MAGI3: variants seen among roughly 807,000 people sequenced by gnomAD.
MAGI3 encodes membrane-associated guanylate kinase, WW and PDZ domain-containing protein 3.
In MAGI3, 43 loss-of-function variants were observed where a neutral mutation model predicts 121.8. That is an observed-to-expected ratio of 0.35 (90% CI 0.28 to 0.46). The LOEUF (loss-of-function observed/expected upper bound fraction) is 0.46, where lower values mean the gene tolerates loss of function less well. Among genes scored for constraint, MAGI3 ranks in the 20% least tolerant of loss-of-function variants. The pLI is 1.00. For synonymous variants in MAGI3, 553 were observed against 639.3 expected, an observed-to-expected ratio of 0.86 and a Z score of 2.04; for missense variants, 1,547 against 1,797.3, an observed-to-expected ratio of 0.86 and a Z score of 2.52.
intron 1 of MAGI3, among the ~76,000 whole-genome samples, chr1:113,495,869 A>G (rs1019509722): frequency 2.0e-5 from 3 of 152,254 alleles, no homozygotes; most frequent in South Asian, 4.1e-4. Flanking sequence ...TAACTCTGCC[A>G]TATTAAAGTA....
intron 1 of MAGI3, among the ~76,000 whole-genome samples, chr1:113,534,196 T>C (rs931875840): frequency 3.9e-5 from 6 of 152,232 alleles, no homozygotes; most frequent in Non-Finnish European, 7.3e-5. Flanking sequence ...GCTAAATTTA[T>C]CCTGTGCTGC....
At chr1:113,493,722 C>T (rs574228190) in intron 1 of MAGI3, among the ~76,000 whole-genome samples, 1 of 152,236 alleles carries the variant, frequency 6.6e-6, no homozygotes, top group South Asian at 2.1e-4. Context: ...CATGAACAGA[C>T]AGTTTTCAAA....
intron 1 of MAGI3, among the ~76,000 whole-genome samples, chr1:113,418,923 T>G (rs1361160604): frequency 6.6e-6 from 1 of 152,142 alleles, no homozygotes; most frequent in Admixed American, 6.5e-5. Flanking sequence ...ACAGGAACAA[T>G]ATATATTACA....
At chr1:113,523,149 C>T (rs995791807) in intron 1 of MAGI3, among the ~76,000 whole-genome samples, 5 of 152,186 alleles carry the variant, frequency 3.3e-5, no homozygotes, top group Admixed American at 6.5e-5. Context: ...ACGTGCCTTT[C>T]ACCTTCCGCC....
intron 1 of MAGI3, among the ~76,000 whole-genome samples, chr1:113,396,220 A>G (rs1372113605): frequency 1.3e-5 from 2 of 151,958 alleles, no homozygotes; most frequent in Admixed American, 6.6e-5. Flanking sequence ...GTATGTTGAA[A>G]GAGAATCTTG....
intron 8 of MAGI3, among the ~76,000 whole-genome samples, chr1:113,621,476 G>A (rs997211542): frequency 6.6e-6 from 1 of 152,116 alleles, no homozygotes; most frequent in African/African-American, 2.4e-5. Flanking sequence ...CAGTACAACT[G>A]TTGGCAAAAT....
intron 8 of MAGI3, among the ~76,000 whole-genome samples, chr1:113,620,338 C>T (rs562421432): frequency 6.6e-6 from 1 of 152,140 alleles, no homozygotes; most frequent in South Asian, 2.1e-4. Flanking sequence ...AATATAGATC[C>T]AGAAATTTCG....
At chr1:113,616,986 G>A (rs911108255) in intron 7 of MAGI3, among the ~76,000 whole-genome samples, 3 of 151,632 alleles carry the variant, frequency 2.0e-5, no homozygotes, top group African/African-American at 7.3e-5. Context: ...TGCCTCCCAG[G>A]TTCAAGTGAT....
At position 113,584,966 on chromosome 1, in the gene MAGI3, C is replaced by CAATTTTTTTTTTTTTTTTT. The variant is rs61622151; in HGVS notation, c.554-421_554-420insAATTTTTTTTTTTTTTTTT. On this transcript the variant is annotated intron_variant, in intron 3 of 20. Transcript: ENST00000307546. ...TCCTTTTGGCCAATGGTAGATATTTCCTTTTTTTTTTTTTTTTTTTTTTGA... is the reference window on the plus strand; with the variant it reads ...TCCTTTTGGCCAATGGTAGATATTTCAATTTTTTTTTTTTTTTTTCTTTTTTTTTTTTTTTTTTTTTTGA... Among the ~76,000 whole-genome samples the CAATTTTTTTTTTTTTTTTT allele has an allele frequency of 1.8e-5, 2 of 110,730 alleles. 1 individual carries two copies. Among genetic ancestry groups the CAATTTTTTTTTTTTTTTTT allele is most frequent in the Non-Finnish European group, 3.6e-5 (2 of 55,700 alleles). The allele number at this position is 110,730 out of a possible 152,430, so 72.6% of individuals were successfully genotyped here.
intron 1 of MAGI3, among the ~76,000 whole-genome samples, chr1:113,439,618 C>T (rs1453125912): frequency 6.6e-6 from 1 of 152,072 alleles, no homozygotes; most frequent in African/African-American, 2.4e-5. Flanking sequence ...ATTATTTCAC[C>T]TCTCTTCATG....
intron 1 of MAGI3, among the ~76,000 whole-genome samples, chr1:113,399,949 T>G (rs993643434): frequency 6.6e-6 from 1 of 152,182 alleles, no homozygotes; most frequent in African/African-American, 2.4e-5. Context: ...TATTGTAGTA[T>G]TTCTGAGGGC....
intron 20 of MAGI3, among the ~76,000 whole-genome samples, chr1:113,681,999 C>A (rs886703544): frequency 2.6e-5 from 4 of 152,050 alleles, no homozygotes; most frequent in Non-Finnish European, 4.4e-5. Context: ...TCTAGCTCCC[C>A]ACCTCCTGCC....
At chr1:113,671,480 T>G (rs969478872) in intron 16 of MAGI3, among the ~76,000 whole-genome samples, 1 of 152,312 alleles carries the variant, frequency 6.6e-6, no homozygotes, top group Non-Finnish European at 1.5e-5. Context: ...GTTATATGGA[T>G]GACTAAAACA....
intron 6 of MAGI3, among the ~76,000 whole-genome samples, chr1:113,598,577 A>T (rs541006098): frequency 1.3e-5 from 2 of 152,228 alleles, no homozygotes; most frequent in African/African-American, 2.4e-5. Flanking sequence ...CAGTTAAAAA[A>T]AAAGACAAAG....
intron 1 of MAGI3, among the ~76,000 whole-genome samples, chr1:113,421,786 C>G (rs1466479991): frequency 6.6e-6 from 1 of 152,028 alleles, no homozygotes; most frequent in African/African-American, 2.4e-5. Context: ...GTAATTACTT[C>G]TGTATTTGCT....
chr1:113,403,241 T>C (rs1651498620), intron 1 of MAGI3, among the ~76,000 whole-genome samples: 1 of 151,884 alleles, frequency 6.6e-6, no homozygotes, highest in South Asian at 2.1e-4. Context: ...ACTGAAACAG[T>C]GGCAAGAAAA....
At chr1:113,507,601 C>T (rs745988278) in intron 1 of MAGI3, among the ~76,000 whole-genome samples, 5 of 152,106 alleles carry the variant, frequency 3.3e-5, no homozygotes, top group African/African-American at 4.8e-5. Flanking sequence ...TAACATTTCA[C>T]CTCTAGAAGT....
At chr1:113,515,935 G>A (rs1208264663) in intron 1 of MAGI3, among the ~76,000 whole-genome samples, 1 of 151,974 alleles carries the variant, frequency 6.6e-6, no homozygotes, top group East Asian at 1.9e-4. Flanking sequence ...TTAACATTTT[G>A]AACTGGGTAA....
At chr1:113,626,631 TGTCATTG>T (rs1276257394) in intron 9 of MAGI3, among the ~76,000 whole-genome samples, 1 of 152,206 alleles carries the variant, frequency 6.6e-6, no homozygotes, top group African/African-American at 2.4e-5. Context: ...TCTTGTTGCT[TGTCATTG>T]GTCTGTTCAG....
Sources: allele counts gnomAD v4.1 joint callset (sites outside exome capture counted in the v4.1 genomes callset), GRCh38; gene constraint gnomAD v4.1.1; transcripts MANE v1.5; gene names NCBI Gene and HGNC (gene_info 2026-07-23, HGNC 2026-07-21).